SAXO4: variants seen among roughly 807,000 people sequenced by gnomAD.
SAXO4 encodes protein phosphatase 1 regulatory subunit 32.
chr11:61,486,833 C>T, the SAXO4 span: 1 of 952,646 alleles, frequency 1.0e-6, no homozygotes, highest in Non-Finnish European at 1.7e-6. Flanking sequence ...AAGGGAGGGT[C>T]GCTGGGGCTG....
chr11:61,490,573 C>T, the SAXO4 span: 1 of 1,613,662 alleles, frequency 6.2e-7, no homozygotes, highest in Non-Finnish European at 8.5e-7. Context: ...ACAGCTGAGC[C>T]CTGAGCCCTT....
the SAXO4 span, chr11:61,481,937 A>C: frequency 6.6e-6 from 10 of 1,515,948 alleles, no homozygotes; most frequent in African/African-American, 1.4e-5. Flanking sequence ...GCCTTTGCGC[A>C]GGAGCCTCTG....
chr11:61,482,899 CAG>C, the SAXO4 span: 2 of 1,376,040 alleles, frequency 1.5e-6, no homozygotes, highest in Non-Finnish European at 1.9e-6. Context: ...GTGGAGGTGA[CAG>C]GGCATGGAGC....
At chr11:61,489,822 TGGACTCGA>T in the SAXO4 span, 3 of 1,613,926 alleles carry the variant, frequency 1.9e-6, no homozygotes, top group Non-Finnish European at 2.5e-6. Flanking sequence ...CCAGGAAGGC[TGGACTCGA>T]GGTGGCATCC....
At chr11:61,484,588 C>A in the SAXO4 span, 1 of 1,470,316 alleles carries the variant, frequency 6.8e-7, no homozygotes, top group African/African-American at 1.4e-5. Flanking sequence ...CCCCCTCTGG[C>A]TGCTCTGCAG....
chr11:61,489,805 G>C, the SAXO4 span: 1 of 1,613,948 alleles, frequency 6.2e-7, no homozygotes, highest in Non-Finnish European at 8.5e-7. Context: ...ATCCCCAAGG[G>C]TCTAGACCAG....
At chr11:61,490,438 A>G in the SAXO4 span, 1 of 1,455,072 alleles carries the variant, frequency 6.9e-7, no homozygotes, top group Non-Finnish European at 9.7e-7. Flanking sequence ...GCAGAAGACA[A>G]GAAGACAAGG....
chr11:61,487,958 T>A, the SAXO4 span, among the ~76,000 whole-genome samples: 7 of 149,072 alleles, frequency 4.7e-5, no homozygotes, highest in Non-Finnish European at 8.9e-5. Flanking sequence ...ATTATAGGAG[T>A]GGTATAAAGG....
At chr11:61,486,018 C>T in the SAXO4 span, 1 of 801,442 alleles carries the variant, frequency 1.2e-6, no homozygotes, top group South Asian at 1.8e-5. Context: ...TTTGTTCAAA[C>T]ACAAGACGAA....
At chr11:61,490,279 G>A in the SAXO4 span, among the ~76,000 whole-genome samples, 2 of 152,152 alleles carry the variant, frequency 1.3e-5, no homozygotes, top group African/African-American at 4.8e-5. Flanking sequence ...AATGGACTGT[G>A]GTTCGGCCTC....
the SAXO4 span, chr11:61,485,695 G>T: frequency 1.1e-6 from 1 of 874,512 alleles, no homozygotes; most frequent in Non-Finnish European, 1.9e-6. Context: ...AGGTCTCCAG[G>T]ATCTTGGGAT....
chr11:61,482,821 C>G, the SAXO4 span: 1 of 1,590,534 alleles, frequency 6.3e-7, no homozygotes, highest in South Asian at 1.1e-5. Context: ...CAGTGCTGGG[C>G]CAGGGCCAGG....
chr11:61,489,863 C>G, the SAXO4 span: 1 of 1,613,852 alleles, frequency 6.2e-7, no homozygotes. Flanking sequence ...CAGGAGGCTA[C>G]GCCCTCAGCC....
chr11:61,484,916 A>G, the SAXO4 span: 1 of 1,414,464 alleles, frequency 7.1e-7, no homozygotes, highest in South Asian at 1.4e-5. Context: ...CTCACCCAAG[A>G]AGCCAGCTCA....
chr11:61,486,665 G>A, the SAXO4 span: 15 of 1,520,606 alleles, frequency 9.9e-6, no homozygotes, highest in Admixed American at 5.1e-5. Context: ...AGGTTTCTGG[G>A]AAGAGGTGGC....
the SAXO4 span, chr11:61,482,953 T>C: frequency 1.2e-6 from 1 of 858,214 alleles, no homozygotes; most frequent in Non-Finnish European, 1.7e-6. Context: ...TTTCTCCCCT[T>C]TGTCCTCATC....
chr11:61,482,551 A>G, the SAXO4 span: 2 of 1,582,976 alleles, frequency 1.3e-6, no homozygotes, highest in Non-Finnish European at 8.7e-7. Context: ...CTCAGGGCAC[A>G]GCGGACCTCT....
At chr11:61,487,004 T>G in the SAXO4 span, 3 of 1,614,132 alleles carry the variant, frequency 1.9e-6, no homozygotes, top group Admixed American at 5.0e-5. Context: ...TTCAGCCACT[T>G]CATCGGATGC....
the SAXO4 span, among the ~76,000 whole-genome samples, chr11:61,487,457 G>A: frequency 1.3e-5 from 2 of 152,166 alleles, no homozygotes; most frequent in African/African-American, 2.4e-5. Flanking sequence ...AGGGAAGGCA[G>A]CAATAATGAG....
Sources: gnomAD v4.1 joint callset for allele counts (sites outside exome capture counted in the v4.1 genomes callset) on GRCh38, gnomAD v4.1.1 for gene constraint, MANE v1.5 for transcripts, NCBI Gene and HGNC (gene_info 2026-07-23, HGNC 2026-07-21) for gene names.